NRCAM: variants seen among roughly 807,000 people sequenced by gnomAD.
NRCAM encodes the protein neuronal cell adhesion molecule, also known as NgCAM-related cell adhesion molecule.
In NRCAM, 83 loss-of-function variants were observed where a neutral mutation model predicts 156.5. That is an observed-to-expected ratio of 0.53 (90% CI 0.44 to 0.64). The LOEUF (loss-of-function observed/expected upper bound fraction) is 0.64. Among genes scored for constraint, NRCAM ranks in the 30% least tolerant of loss-of-function variants. The pLI is 0.00. For synonymous variants in NRCAM, 538 were observed against 563.9 expected (o/e 0.95, Z 0.65); for missense variants, 1,417 against 1,597.3 (o/e 0.89, Z 1.92).
intron 2 of NRCAM, among the ~76,000 whole-genome samples, chr7:108,394,641 A>G (rs1031797018): frequency 6.6e-6 from 1 of 152,242 alleles, no homozygotes; most frequent in Admixed American, 6.5e-5. Context: ...AAGGAGAGAC[A>G]ATAATTTGAA....
At chr7:108,258,385 G>GGCCA (rs1315818967) in intron 3 of NRCAM, among the ~76,000 whole-genome samples, 1 of 151,936 alleles carries the variant, frequency 6.6e-6, no homozygotes, top group Non-Finnish European at 1.5e-5. Context: ...AGGTCCCATG[G>GGCCA]GCCACCCTTC....
In NRCAM at chr7:108,148,189, T is replaced by C. The variant is rs2039738143; in HGVS notation, c.*1721A>G. The C allele has an allele frequency of 6.6e-6, 1 of 152,572 alleles. No individual in the cohort carries two copies. Among genetic ancestry groups the C allele is most frequent in the South Asian group, 2.1e-4 (1 of 4,824 alleles). The allele number at this position is 152,572 out of a possible 1,614,324, so 9.5% of individuals were successfully genotyped here. A position where few individuals can be genotyped will look rare whatever the true frequency, so the allele number is the denominator to read the frequency against. On this transcript the variant is annotated 3_prime_UTR_variant, in exon 33 of 33. Coordinates refer to ENST00000379028, the MANE Select transcript of NRCAM (RefSeq NM_001037132.4). ...TCAATACGTAGAAAAGTTCACTATT[T>C]CAGTTTCACAGCAAAAAAGGTGGGG...
intron 2 of NRCAM, among the ~76,000 whole-genome samples, chr7:108,369,920 ATAAT>A (rs2099617850): frequency 6.6e-6 from 1 of 152,156 alleles, no homozygotes; most frequent in Admixed American, 6.6e-5. Context: ...GATAAACAAA[ATAAT>A]AAATCTTACT....
rs759321719 is a variant in NRCAM at position 108,181,882 on chromosome 7, G to C, written c.2586C>G (p.Ala862=). The C allele has an allele frequency of 3.1e-6, 5 of 1,614,096 alleles. No individual in the cohort carries two copies. Among genetic ancestry groups the C allele is most frequent in the Non-Finnish European group, 4.2e-6 (5 of 1,180,000 alleles). Residue 862 remains alanine, a synonymous_variant, in exon 24 of 33, where the codon GCC becomes GCG. Coordinates refer to ENST00000379028, the MANE Select transcript of NRCAM (RefSeq NM_001037132.4). ...GAGGTACTGGGTCCCAGTGCACCTC[G>C]GCTAAGGTACTGTTCACCACATTCA... ...VRVNVVNSTL[A]EVHWDPVPLK...
intron 13 of NRCAM, among the ~76,000 whole-genome samples, chr7:108,202,393 T>C (rs915121708): frequency 1.3e-5 from 2 of 152,218 alleles, no homozygotes; most frequent in African/African-American, 4.8e-5. Flanking sequence ...TAAAAAGAAC[T>C]TTGTGAAACA....
rs180995731 is a variant in NRCAM, at chr7:108,222,429, A to G, written c.890+1296T>C. ...CAACCATATTTTAGTTTTTTATGAA[A>G]TATGTCATTTGTGGGAAAAGAAGTC... is the stretch of plus-strand genomic sequence containing the variant. On this transcript the variant is annotated intron_variant, in intron 11 of 32. Coordinates refer to ENST00000379028, the MANE Select transcript of NRCAM (RefSeq NM_001037132.4). Among the ~76,000 whole-genome samples, 14 of 152,280 alleles carry G rather than the reference A, an allele frequency of 9.2e-5. No homozygotes were observed. In the East Asian group the frequency reaches 1.9e-3, roughly 21 times the overall value.
intron 3 of NRCAM, among the ~76,000 whole-genome samples, chr7:108,294,932 C>T (rs550188545): frequency 1.3e-4 from 20 of 152,166 alleles, no homozygotes; most frequent in Non-Finnish European, 2.6e-4. Flanking sequence ...ACATTAGTAT[C>T]CCTAAAGTCC....
chr7:108,232,076 C>T (rs1183016766), intron 7 of NRCAM, among the ~76,000 whole-genome samples: 1 of 150,078 alleles, frequency 6.7e-6, no homozygotes, highest in Non-Finnish European at 1.5e-5. Context: ...AGGGAAGAAA[C>T]ACTTTTTTTT....
chr7:108,253,004 A>G (rs1331787511), intron 3 of NRCAM, among the ~76,000 whole-genome samples: 1 of 152,250 alleles, frequency 6.6e-6, no homozygotes, highest in African/African-American at 2.4e-5. Context: ...AGACCAGGAC[A>G]TATCTAAAAT....
At chr7:108,329,307 GATT>G (rs2099102994) in intron 2 of NRCAM, among the ~76,000 whole-genome samples, 1 of 152,078 alleles carries the variant, frequency 6.6e-6, no homozygotes, top group African/African-American at 2.4e-5. Flanking sequence ...AATACATTAG[GATT>G]ATATTTCATG....
intron 2 of NRCAM, among the ~76,000 whole-genome samples, chr7:108,392,175 A>T (rs1037127230): frequency 6.6e-6 from 1 of 152,194 alleles, no homozygotes; most frequent in South Asian, 2.1e-4. Context: ...GTGTTTTCCA[A>T]CTTGGTTCCA....
chr7:108,430,541 A>G (rs144451916), intron 1 of NRCAM, among the ~76,000 whole-genome samples: 237 of 152,332 alleles, frequency 1.6e-3, no homozygotes, highest in Admixed American at 4.7e-3. Context: ...AACTGAGATG[A>G]AGCAAGTCCA....
chr7:108,150,521 A>G (rs1156376117), intron 32 of NRCAM, among the ~76,000 whole-genome samples: 1 of 152,206 alleles, frequency 6.6e-6, no homozygotes, highest in Non-Finnish European at 1.5e-5. Flanking sequence ...GCAAGTAAAG[A>G]AGTTAGTATG....
At chr7:108,337,591 A>G (rs2099213058) in intron 2 of NRCAM, among the ~76,000 whole-genome samples, 1 of 152,176 alleles carries the variant, frequency 6.6e-6, no homozygotes, top group African/African-American at 2.4e-5. Context: ...GCTGAACACT[A>G]GTCACTGGGT....
At chr7:108,234,474 G>T in intron 6 of NRCAM, 109 bp downstream of exon 6, 1 of 700,322 alleles carries the variant, frequency 1.4e-6, no homozygotes, top group Non-Finnish European at 2.5e-6. Context: ...AAAAGGAAGT[G>T]CTCTACATAG....
At chr7:108,252,066 G>A (rs1444005639) in intron 3 of NRCAM, among the ~76,000 whole-genome samples, 1 of 152,180 alleles carries the variant, frequency 6.6e-6, no homozygotes, top group African/African-American at 2.4e-5. Flanking sequence ...AAGAGTACCA[G>A]GGAGACCACT....
intron 28 of NRCAM, among the ~76,000 whole-genome samples, chr7:108,174,150 T>A (rs1241089238): frequency 6.6e-6 from 1 of 152,232 alleles, no homozygotes; most frequent in African/African-American, 2.4e-5. Context: ...AGAAGTAAGT[T>A]TACATCGCTC....
intron 1 of NRCAM, among the ~76,000 whole-genome samples, chr7:108,454,877 A>C (rs1012820802): frequency 1.3e-5 from 2 of 152,220 alleles, no homozygotes; most frequent in Non-Finnish European, 2.9e-5. Context: ...AGGAAAAGAA[A>C]GCTTTCTTCT....
chr7:108,198,963 T>C (rs917321686), intron 13 of NRCAM, among the ~76,000 whole-genome samples: 2 of 152,206 alleles, frequency 1.3e-5, no homozygotes, highest in Non-Finnish European at 2.9e-5. Flanking sequence ...TTCTGTGAGA[T>C]TGGAGATGAA....
Sources: gnomAD v4.1 joint callset for allele counts (sites outside exome capture counted in the v4.1 genomes callset) on GRCh38, gnomAD v4.1.1 for gene constraint, MANE v1.5 for transcripts, NCBI Gene and HGNC (gene_info 2026-07-23, HGNC 2026-07-21) for gene names.